Variants in GRID2 observed in about 807,000 individuals in gnomAD.
The protein encoded by GRID2 is glutamate receptor ionotropic, delta-2.
In GRID2, 33 loss-of-function variants were observed where a neutral mutation model predicts 114.8. That is an observed-to-expected ratio of 0.29 (90% CI 0.22 to 0.38). The LOEUF is 0.38. Ranked by LOEUF, GRID2 falls within the 10% of genes least tolerant of loss-of-function variation. The probability of loss-of-function intolerance (pLI) is 1.00; values close to 1 mark genes in which losing one functional copy is unlikely to be tolerated. For missense variants in GRID2, 1,184 were observed against 1,257.7 expected (o/e 0.94, Z 0.89); for synonymous variants, 505 against 449.9 (o/e 1.12, Z -1.55).
At chr4:92,928,965 C>T (rs1445168882) in intron 2 of GRID2, among the ~76,000 whole-genome samples, 1 of 151,362 alleles carries the variant, frequency 6.6e-6, no homozygotes. Flanking sequence ...CACCCCACCC[C>T]CAAATGAAGC....
At chr4:92,315,070 C>A (rs946711490) in intron 1 of GRID2, among the ~76,000 whole-genome samples, 2 of 151,962 alleles carry the variant, frequency 1.3e-5, no homozygotes, top group African/African-American at 4.8e-5. Context: ...CAGAATTCAG[C>A]CTTTTGAATA....
chr4:93,610,957 G>A (rs1175880147), intron 13 of GRID2, among the ~76,000 whole-genome samples: 1 of 134,818 alleles, frequency 7.4e-6, no homozygotes, highest in Admixed American at 7.2e-5. Context: ...ACTCTTTTAG[G>A]TTGGTAAACT....
chr4:92,498,457 T>G, intron 1 of GRID2, among the ~76,000 whole-genome samples: 1 of 151,888 alleles, frequency 6.6e-6, no homozygotes, highest in East Asian at 1.9e-4. Flanking sequence ...ATAACAAAGC[T>G]AAAAACTGAT....
At chr4:92,613,997 A>T (rs1329030842) in intron 2 of GRID2, among the ~76,000 whole-genome samples, 2 of 151,488 alleles carry the variant, frequency 1.3e-5, no homozygotes, top group African/African-American at 4.8e-5. Context: ...CAGGGTTATT[A>T]TCATATCCAT....
intron 1 of GRID2, among the ~76,000 whole-genome samples, chr4:92,443,533 G>A (rs1243936646): frequency 1.3e-5 from 2 of 152,122 alleles, no homozygotes; most frequent in African/African-American, 4.8e-5. Context: ...TGGGAAAAGG[G>A]GTTGGGGCAC....
intron 2 of GRID2, among the ~76,000 whole-genome samples, chr4:92,672,310 A>C (rs1190795273): frequency 6.6e-6 from 1 of 152,146 alleles, no homozygotes; most frequent in African/African-American, 2.4e-5. Context: ...CAAATATTTA[A>C]CATGTGTCTC....
intron 2 of GRID2, among the ~76,000 whole-genome samples, chr4:92,852,672 CCTT>C (rs567149048): frequency 6.6e-5 from 10 of 151,980 alleles, no homozygotes; most frequent in Admixed American, 2.6e-4. Flanking sequence ...ACCATGCCCT[CCTT>C]CTTGAAAGTC....
chr4:93,767,399 C>G (rs1733757658), intron 14 of GRID2, among the ~76,000 whole-genome samples: 1 of 152,078 alleles, frequency 6.6e-6, no homozygotes, highest in Admixed American at 6.6e-5. Context: ...GACATATAAC[C>G]CATTAATATT....
At chr4:93,008,786 A>G (rs1472807713) in intron 2 of GRID2, among the ~76,000 whole-genome samples, 1 of 152,132 alleles carries the variant, frequency 6.6e-6, no homozygotes, top group African/African-American at 2.4e-5. Context: ...GTAAAAAGCA[A>G]TATAAATAAA....
At chr4:93,520,428 A>G (rs1444709557) in intron 13 of GRID2, among the ~76,000 whole-genome samples, 1 of 152,132 alleles carries the variant, frequency 6.6e-6, no homozygotes, top group African/African-American at 2.4e-5. Flanking sequence ...GTTTGAATGG[A>G]GACCTGAAAG....
intron 1 of GRID2, among the ~76,000 whole-genome samples, chr4:92,584,707 T>C (rs1460226840): frequency 6.6e-6 from 1 of 151,970 alleles, no homozygotes; most frequent in Non-Finnish European, 1.5e-5. Flanking sequence ...TATGTATATG[T>C]GTATATGCAC....
At chr4:93,042,305 A>G (rs58362156) in intron 2 of GRID2, among the ~76,000 whole-genome samples, 1 of 104,982 alleles carries the variant, frequency 9.5e-6, no homozygotes, top group Non-Finnish European at 2.1e-5. Flanking sequence ...CTCTCTATAT[A>G]TATATATATA....
intron 1 of GRID2, among the ~76,000 whole-genome samples, chr4:92,466,007 T>G (rs1356614131): frequency 6.6e-6 from 1 of 151,792 alleles, no homozygotes; most frequent in East Asian, 1.9e-4. Context: ...TATTTTAAAT[T>G]GACATATAAT....
intron 1 of GRID2, among the ~76,000 whole-genome samples, chr4:92,348,166 A>G (rs949663614): frequency 1.3e-5 from 2 of 152,094 alleles, no homozygotes; most frequent in Non-Finnish European, 2.9e-5. Context: ...AGGTCTCACT[A>G]TGTTGCTCAT....
chr4:93,459,756 G>A (rs1002597903), intron 11 of GRID2, among the ~76,000 whole-genome samples: 4 of 152,096 alleles, frequency 2.6e-5, no homozygotes, highest in Non-Finnish European at 5.9e-5. Context: ...CTATACCAGA[G>A]GCACCATAAA....
chr4:93,022,758 G>C (rs1054983495), intron 2 of GRID2, among the ~76,000 whole-genome samples: 1 of 151,654 alleles, frequency 6.6e-6, no homozygotes, highest in African/African-American at 2.4e-5. Context: ...AACTACTAAA[G>C]TATTATGCTC....
chr4:92,320,910 C>A (rs1726280683), intron 1 of GRID2, among the ~76,000 whole-genome samples: 1 of 151,922 alleles, frequency 6.6e-6, no homozygotes, highest in Admixed American at 6.6e-5. Context: ...TGTTGATTTC[C>A]AGTCAAAAGA....
chr4:93,242,241 A>C (rs191519927), intron 8 of GRID2, among the ~76,000 whole-genome samples: 29 of 152,098 alleles, frequency 1.9e-4, no homozygotes, highest in African/African-American at 6.7e-4. Context: ...GAGGTTTAAC[A>C]ACAGTGGAGA....
intron 10 of GRID2, among the ~76,000 whole-genome samples, chr4:93,435,558 A>C (rs546058102): frequency 6.6e-6 from 1 of 152,250 alleles, no homozygotes; most frequent in South Asian, 2.1e-4. Context: ...CGGAATCAAA[A>C]CTACTATTTT....
Sources: allele counts gnomAD v4.1 joint callset (sites outside exome capture counted in the v4.1 genomes callset), GRCh38; gene constraint gnomAD v4.1.1; transcripts MANE v1.5; gene names NCBI Gene and HGNC (gene_info 2026-07-23, HGNC 2026-07-21).